ZNF674: variants seen among roughly 807,000 people sequenced by gnomAD.
ZNF674 encodes zinc finger protein 674.
In ZNF674, 2 loss-of-function variants were observed where a neutral mutation model predicts 7.0. That is an observed-to-expected ratio of 0.29 (90% CI 0.12 to 0.90). ZNF674 has a LOEUF of 0.90. ZNF674 is among the 40% of genes least tolerant of loss of function. ZNF674 has a pLI of 0.57. For missense variants in ZNF674, 297 were observed against 415.5 expected, an observed-to-expected ratio of 0.71 and a Z score of 2.48; for synonymous variants, 103 against 145.2, an observed-to-expected ratio of 0.71 and a Z score of 2.09.
rs1418966308 is a variant in ZNF674, at chrX:46,528,897, A to G, written c.28T>C (p.Phe10Leu). The G allele has an allele frequency of 8.3e-7, 1 of 1,211,889 alleles. No individual in the cohort carries two copies. The highest frequency in any genetic ancestry group is 1.7e-5 in the African/African-American group (1 of 57,811). ...GTGAAGTCCACAAACACGTCCTTGAAGGTCAATGATTCCTGTAACGGCACA... is the reference window on the plus strand; with the variant it reads ...GTGAAGTCCACAAACACGTCCTTGAGGGTCAATGATTCCTGTAACGGCACA... Reference protein sequence around the residue: MAMSQESLTFKDVFVDFTLE... With the variant: MAMSQESLTLKDVFVDFTLE... Residue 10 changes from phenylalanine to leucine, a missense_variant, in exon 4 of 6, where the codon TTC becomes CTC. By Grantham distance (22) the Phe-to-Leu change is conservative. Coordinates refer to ENST00000683375, the MANE Select transcript of ZNF674 (RefSeq NM_001190417.2).
At position 46,528,372 on chromosome X, in the gene ZNF674, C is replaced by T. The variant is rs759406003; in HGVS notation, c.216G>A (p.Gly72=). The T allele has an allele frequency of 8.3e-7, 1 of 1,211,730 alleles. No individual in the cohort carries two copies. Among genetic ancestry groups the T allele is most frequent in the Admixed American group, 2.2e-5 (1 of 45,971 alleles). The change falls in exon 5 of 6, where the codon GGG becomes GGA. Residue 72 remains glycine, a synonymous_variant. Coordinates refer to ENST00000683375, the MANE Select transcript of ZNF674 (RefSeq NM_001190417.2). The part of the protein sequence containing the change: ...PGDESWMADG[G]TPVRTCAEVW... ...CACCTGCACAGGTCCGTACCGGGGT[C>T]CCTCCATCTGCCATCCAGGACTCGT...
Position 46,499,584 on chromosome X carries a change from C to T in ZNF674, c.*259G>A. ...CCCACATAACTACATTCAGTTTTGC[C>T]CCTTTTGAATTATTTGACATACAGT... is the stretch of plus-strand genomic sequence containing the variant. On this transcript the variant is annotated 3_prime_UTR_variant, in exon 6 of 6. Transcript: ENST00000683375. 1 of 222,836 alleles carries T rather than the reference C, an allele frequency of 4.5e-6. No homozygotes were observed. 18.4% of individuals were successfully genotyped at this position (222,836 alleles called of 1,213,427 possible).
intron 3 of ZNF674, among the ~76,000 whole-genome samples, chrX:46,534,341 C>T (rs1942165908): frequency 9.0e-6 from 1 of 111,069 alleles, no homozygotes; most frequent in African/African-American, 3.3e-5. Context: ...TCTGAACCCT[C>T]AAATAAATTA....
intron 5 of ZNF674, among the ~76,000 whole-genome samples, chrX:46,514,630 G>A (rs1198781133): frequency 1.8e-5 from 2 of 112,231 alleles, no homozygotes; most frequent in African/African-American, 6.5e-5. Context: ...AAAGTGTCAA[G>A]AACAGGAAGA....
chrX:46,518,272 ACT>A (rs1352964630), intron 5 of ZNF674, among the ~76,000 whole-genome samples: 6 of 111,855 alleles, frequency 5.4e-5, no homozygotes, highest in African/African-American at 1.6e-4. Flanking sequence ...AAAATATAAC[ACT>A]GTCTGAGGGA....
chrX:46,521,911 T>C (rs1323349233), intron 5 of ZNF674, among the ~76,000 whole-genome samples: 1 of 105,879 alleles, frequency 9.4e-6, no homozygotes, highest in Non-Finnish European at 1.9e-5. Context: ...AAGAATAGAA[T>C]AGAATAGAAA....
In ZNF674 at chrX:46,510,341, A is replaced by G. The variant is rs1941630321; in HGVS notation, c.239-9006T>C. On this transcript the variant is annotated intron_variant, in intron 5 of 5. Transcript: ENST00000683375. ...TTTTTAAAATGCTTCACAATTAAGT[A>G]GAGTTTAGCACAGGAACACAAGAAC... Among the ~76,000 whole-genome samples, 3 of 111,956 alleles carry G rather than the reference A, an allele frequency of 2.7e-5. 1 individual carries two copies. The highest frequency in any genetic ancestry group is 1.9e-4 in the Admixed American group (2 of 10,450).
rs758530476 is a variant in ZNF674, at chrX:46,500,288, G to C, written c.1286C>G (p.Thr429Ser). Reference protein sequence around the residue: ...GKSHLSVHHRTHTGEKPYECR... With the variant: ...GKSHLSVHHRSHTGEKPYECR... ...TTCATAAGGTTTCTCTCCTGTATGA[G>C]TTCTATGATGGACAGAGAGGTGTGA... is the stretch of plus-strand genomic sequence containing the variant. The change falls in exon 6 of 6, where the codon ACT becomes AGT. Residue 429 changes from threonine (T) to serine (S), a missense_variant. Thr to Ser is a moderately conservative substitution (Grantham distance 58). Transcript: ENST00000683375. The C allele has an allele frequency of 8.3e-7, 1 of 1,210,101 alleles. No homozygotes were observed. The highest frequency in any genetic ancestry group is 3.0e-5 in the East Asian group (1 of 33,793).
At chrX:46,510,606 C>T (rs28599679) in intron 5 of ZNF674, among the ~76,000 whole-genome samples, 2,883 of 111,502 alleles carry the variant, frequency 0.026, 85 homozygotes, top group African/African-American at 0.087. Context: ...CTGGCCAACA[C>T]GGTGAAACCC....
At chrX:46,511,453 A>G (rs750213749) in intron 5 of ZNF674, among the ~76,000 whole-genome samples, 1 of 112,171 alleles carries the variant, frequency 8.9e-6, no homozygotes, top group East Asian at 2.8e-4. Flanking sequence ...TCAACAAAAA[A>G]TGCACAAGAT....
At chrX:46,507,129 T>C (rs1425479214) in intron 5 of ZNF674, among the ~76,000 whole-genome samples, 1 of 111,735 alleles carries the variant, frequency 8.9e-6, no homozygotes, top group Non-Finnish European at 1.9e-5. Flanking sequence ...AGAGAATGAC[T>C]TGAGTCCAGG....
intron 5 of ZNF674, among the ~76,000 whole-genome samples, chrX:46,521,035 A>C (rs1161500260): frequency 9.1e-6 from 1 of 109,757 alleles, no homozygotes; most frequent in African/African-American, 3.3e-5. Flanking sequence ...AAAATACAAA[A>C]AATTAGCTGG....
chrX:46,506,427 A>C (rs999514182), intron 5 of ZNF674, among the ~76,000 whole-genome samples: 1 of 110,714 alleles, frequency 9.0e-6, no homozygotes, highest in Non-Finnish European at 1.9e-5. Context: ...AAAAAAAAAA[A>C]AAAACTATCC....
intron 3 of ZNF674, among the ~76,000 whole-genome samples, chrX:46,539,943 CAA>C (rs1033621245): frequency 2.3e-4 from 26 of 112,179 alleles, no homozygotes; most frequent in African/African-American, 8.4e-4. Context: ...AGTGAGCAGA[CAA>C]AGAGATTCAT....
At chrX:46,517,443 C>A (rs1480746137) in intron 5 of ZNF674, among the ~76,000 whole-genome samples, 1 of 111,255 alleles carries the variant, frequency 9.0e-6, no homozygotes, top group Non-Finnish European at 1.9e-5. Context: ...TAACCAAAAA[C>A]TTCCCATATT....
At position 46,499,172 on chromosome X, in the gene ZNF674, T is replaced by C. The variant is rs1442618655; in HGVS notation, c.*671A>G. 1 of 111,272 alleles carries C rather than the reference T, an allele frequency of 9.0e-6. No individual in the cohort carries two copies. The highest frequency in any genetic ancestry group is 1.9e-5 in the Non-Finnish European group (1 of 53,054). 9.2% of individuals were successfully genotyped at this position (111,272 alleles called of 1,213,427 possible). A position where few individuals can be genotyped will look rare whatever the true frequency, so the allele number is the denominator to read the frequency against. ...CTCATTTATACCATGGGTTTGTTTA[T>C]TTATTTATTTGACAAGGTCTGGCTA... On this transcript the variant is annotated 3_prime_UTR_variant, in exon 6 of 6. Transcript: ENST00000683375.
intron 2 of ZNF674, among the ~76,000 whole-genome samples, chrX:46,542,958 G>GT (rs67877737): frequency 0.15 from 16,205 of 106,503 alleles, 1,144 homozygotes; most frequent in East Asian, 0.42. Context: ...TCTTTTTTTT[G>GT]TTTTTTTTTG....
At chrX:46,528,249 C>T (rs1055979656) in intron 5 of ZNF674, 101 bp downstream of exon 5, 11 of 844,622 alleles carry the variant, frequency 1.3e-5, no homozygotes, top group African/African-American at 4.0e-5. Context: ...TCCACAAGTC[C>T]GAGGCTCTGA....
intron 5 of ZNF674, among the ~76,000 whole-genome samples, chrX:46,520,127 T>C (rs985745994): frequency 3.6e-5 from 4 of 111,224 alleles, no homozygotes; most frequent in Non-Finnish European, 7.5e-5. Flanking sequence ...GACGGTCAGG[T>C]GTGGTGGCTC....
Sources: allele counts gnomAD v4.1 joint callset (sites outside exome capture counted in the v4.1 genomes callset), GRCh38; gene constraint gnomAD v4.1.1; transcripts MANE v1.5; gene names NCBI Gene and HGNC (gene_info 2026-07-23, HGNC 2026-07-21).